Variants in KANSL2 observed in about 807,000 individuals in gnomAD.
The protein encoded by KANSL2 is KAT8 regulatory NSL complex subunit 2, also known as NSL complex protein NSL2.
KANSL2 carries 34 observed loss-of-function variants against 55.6 expected under a neutral mutation model. The observed-to-expected ratio is 0.61, with a 90% CI of 0.46 to 0.81. The LOEUF (loss-of-function observed/expected upper bound fraction) is 0.81, where lower values mean the gene tolerates loss of function less well. Among genes scored for constraint, KANSL2 ranks in the 40% least tolerant of loss-of-function variants. The pLI is 0.00. For missense variants in KANSL2, 502 were observed against 609.9 expected (o/e 0.82, Z 1.86); for synonymous variants, 209 against 214.3 (o/e 0.98, Z 0.22).
intron 4 of KANSL2, among the ~76,000 whole-genome samples, chr12:48,676,213 CTACT>C (rs1939818091): frequency 6.6e-6 from 1 of 152,166 alleles, no homozygotes; most frequent in South Asian, 2.1e-4. Flanking sequence ...AGCCATCCTC[CTACT>C]TGAGCCTCTC....
chr12:48,679,901 C>T, intron 2 of KANSL2, 68 bp from the exon 3 acceptor site: 1 of 1,254,324 alleles, frequency 8.0e-7, no homozygotes, highest in East Asian at 2.5e-5. Flanking sequence ...TTCACAGTCC[C>T]TAATCTTTAA....
At position 48,658,221 on chromosome 12, in the gene KANSL2, ACT is replaced by A. The variant is rs549344919; in HGVS notation, c.1227+2143_1227+2144del. Reference sequence around the variant, plus strand: ...ACTCCAGCCTAGGTGACAGAGCGAGACTCTGTCAAAAATAATAATGACTAGCT... The same window carrying A: ...ACTCCAGCCTAGGTGACAGAGCGAGACTGTCAAAAATAATAATGACTAGCT... On this transcript the variant is annotated intron_variant, in intron 8 of 9. Coordinates refer to ENST00000420613, the MANE Select transcript of KANSL2 (RefSeq NM_017822.4). Among the ~76,000 whole-genome samples the A allele has an allele frequency of 2.3e-4, 35 of 152,160 alleles. 1 individual carries two copies. In the South Asian group the frequency reaches 7.1e-3, roughly 31 times the overall value.
At chr12:48,679,316 T>TA (rs1939879632) in intron 3 of KANSL2, 166 bp from the exon 4 acceptor site, 1 of 679,252 alleles carries the variant, frequency 1.5e-6, no homozygotes, top group Non-Finnish European at 2.6e-6. Flanking sequence ...TTTAAGAAAA[T>TA]ACAACCCAAG....
At chr12:48,677,692 G>A (rs1939847828) in intron 4 of KANSL2, among the ~76,000 whole-genome samples, 1 of 147,700 alleles carries the variant, frequency 6.8e-6, no homozygotes, top group Non-Finnish European at 1.5e-5. Flanking sequence ...GGCTGAGGCA[G>A]GAGAATTGCT....
chr12:48,664,791 C>A (rs976317805), intron 7 of KANSL2, among the ~76,000 whole-genome samples: 8 of 151,272 alleles, frequency 5.3e-5, no homozygotes, highest in African/African-American at 1.9e-4. Flanking sequence ...ACCATCTTGG[C>A]CAGGCTGGTC....
intron 4 of KANSL2, among the ~76,000 whole-genome samples, chr12:48,677,622 A>C (rs1316134501): frequency 1.3e-5 from 2 of 151,892 alleles, no homozygotes; most frequent in Admixed American, 1.3e-4. Context: ...TCTACTAAAA[A>C]TACAAAAAAT....
intron 4 of KANSL2, among the ~76,000 whole-genome samples, chr12:48,672,425 A>ATT (rs1311572699): frequency 9.0e-6 from 1 of 111,320 alleles, no homozygotes; most frequent in African/African-American, 3.7e-5. Context: ...ATATATATAT[A>ATT]TATATATATT....
chr12:48,669,618 C>T (rs1403402251), intron 5 of KANSL2, among the ~76,000 whole-genome samples: 2 of 151,722 alleles, frequency 1.3e-5, no homozygotes, highest in African/African-American at 2.4e-5. Flanking sequence ...CCCAGGTTCA[C>T]GCCATTCTCC....
chr12:48,654,723 C>T (rs17238458), intron 9 of KANSL2, among the ~76,000 whole-genome samples: 2,722 of 152,288 alleles, frequency 0.018, 34 homozygotes, highest in Non-Finnish European at 0.028. Context: ...AAGAGCCCAT[C>T]TGGAGAACTA....
At chr12:48,658,975 G>A (rs3943899) in intron 8 of KANSL2, among the ~76,000 whole-genome samples, 88,644 of 151,958 alleles carry the variant, frequency 0.58, 26,216 homozygotes, top group East Asian at 0.76. Flanking sequence ...TAGTCTTCCC[G>A]CAAGTAAAAT....
At chr12:48,673,380 C>T (rs756974962) in intron 4 of KANSL2, among the ~76,000 whole-genome samples, 1 of 150,636 alleles carries the variant, frequency 6.6e-6, no homozygotes, top group East Asian at 2.0e-4. Flanking sequence ...GCCAACATGG[C>T]GAAACCCCGT....
chr12:48,654,490 T>A, intron 9 of KANSL2: 1 of 644,510 alleles, frequency 1.6e-6, no homozygotes, highest in Non-Finnish European at 3.0e-6. Context: ...ACAGCCACAG[T>A]ACAACTGCTG....
At chr12:48,678,951 A>T in intron 4 of KANSL2, 85 bp downstream of exon 4, 1 of 926,974 alleles carries the variant, frequency 1.1e-6, no homozygotes, top group Admixed American at 2.0e-5. Flanking sequence ...CAACCCTCCT[A>T]GGTTACTAAT....
At chr12:48,681,968 C>T in intron 1 of KANSL2, 1 of 702,974 alleles carries the variant, frequency 1.4e-6, no homozygotes, top group Non-Finnish European at 2.6e-6. Context: ...TTGTCCCGGC[C>T]TGCCTCAGAG....
chr12:48,668,693 C>CT (rs2137190888), intron 6 of KANSL2, among the ~76,000 whole-genome samples: 1 of 152,184 alleles, frequency 6.6e-6, no homozygotes, highest in South Asian at 2.1e-4. Context: ...GATTGAAACT[C>CT]TGTCTCAAAA....
At chr12:48,666,782 T>C (rs552318938) in intron 7 of KANSL2, among the ~76,000 whole-genome samples, 1 of 151,664 alleles carries the variant, frequency 6.6e-6, no homozygotes, top group Admixed American at 6.6e-5. Context: ...AAGGCTGAGG[T>C]AGGAGAATTG....
At chr12:48,672,244 G>A (rs950526383) in intron 4 of KANSL2, among the ~76,000 whole-genome samples, 1 of 151,396 alleles carries the variant, frequency 6.6e-6, no homozygotes, top group Non-Finnish European at 1.5e-5. Flanking sequence ...GTGAACATGC[G>A]GAACACTTTA....
rs1282540920 is a variant in KANSL2 at position 48,653,728 on chromosome 12, AC to A, written c.*315del. The A allele has an allele frequency of 9.8e-5, 22 of 225,464 alleles. No homozygotes were observed. The highest frequency in any genetic ancestry group is 8.5e-6 in the Non-Finnish European group (1 of 116,994). The allele number at this position is 225,464 out of a possible 1,614,324, so 14.0% of individuals were successfully genotyped here. A position where few individuals can be genotyped will look rare whatever the true frequency, so the allele number is the denominator to read the frequency against. Reference sequence around the variant, plus strand: ...GACACCACTCACAAAGACAGCTCCCACCTAGCTACTTAAGTGGATTTCTATC... The same window carrying A: ...GACACCACTCACAAAGACAGCTCCCACTAGCTACTTAAGTGGATTTCTATC... On this transcript the variant is annotated 3_prime_UTR_variant, in exon 10 of 10. Transcript: ENST00000420613.
chr12:48,654,713 A>G (rs1939344330), intron 9 of KANSL2, among the ~76,000 whole-genome samples: 1 of 152,228 alleles, frequency 6.6e-6, no homozygotes, highest in African/African-American at 2.4e-5. Context: ...TAGGTGTTCT[A>G]AGAGCCCATC....
Sources: gnomAD v4.1 joint callset for allele counts (sites outside exome capture counted in the v4.1 genomes callset) on GRCh38, gnomAD v4.1.1 for gene constraint, MANE v1.5 for transcripts, NCBI Gene and HGNC (gene_info 2026-07-23, HGNC 2026-07-21) for gene names.